Variants in WASHC4 observed in about 807,000 individuals in gnomAD.
WASHC4 encodes WASH complex subunit 4.
In WASHC4, 86 loss-of-function variants were observed where a neutral mutation model predicts 166.6. That is an observed-to-expected ratio of 0.52 (90% CI 0.43 to 0.62). WASHC4 has a LOEUF of 0.62. Ranked by LOEUF, WASHC4 falls within the 20% of genes least tolerant of loss-of-function variation. The pLI, the probability that WASHC4 is intolerant of heterozygous loss-of-function variation, is 0.00. For synonymous variants in WASHC4, 446 were observed against 451.6 expected, an observed-to-expected ratio of 0.99 and a Z score of 0.16; for missense variants, 1,262 against 1,382.4, an observed-to-expected ratio of 0.91 and a Z score of 1.38.
intron 26 of WASHC4, among the ~76,000 whole-genome samples, chr12:105,156,343 A>T (rs941576027): frequency 2.0e-5 from 3 of 152,356 alleles, no homozygotes; most frequent in Non-Finnish European, 2.9e-5. Flanking sequence ...GGGAGGCATC[A>T]AATAAAGATT....
intron 24 of WASHC4, chr12:105,148,067 A>G: frequency 1.0e-6 from 1 of 985,392 alleles, no homozygotes; most frequent in Non-Finnish European, 1.2e-6. Context: ...TGAATGCTTA[A>G]GTAGTACAGT....
chr12:105,152,435 A>C lies in WASHC4; in HGVS notation c.2742A>C (p.Gln914His), dbSNP rs372663472. 6.3e-7 allele frequency: 1 copy of C among 1,575,004 alleles called. No individual in the cohort carries two copies. Among genetic ancestry groups the C allele is most frequent in the East Asian group, 2.2e-5 (1 of 44,630 alleles). ...AGAGCTACCTTGATCAATTCAGGCAACTCATCAGCCAGATTGGTAAGTTAT... is the reference window on the plus strand; with the variant it reads ...AGAGCTACCTTGATCAATTCAGGCACCTCATCAGCCAGATTGGTAAGTTAT... Reference protein sequence around the residue: ...EGQSYLDQFRQLISQIGNAMG... With the variant: ...EGQSYLDQFRHLISQIGNAMG... Residue 914 changes from glutamine (Q) to histidine (H), a missense_variant, in exon 26 of 33, where the codon CAA becomes CAC. Gln to His is a conservative substitution (Grantham distance 24). Coordinates refer to ENST00000332180, the MANE Select transcript of WASHC4 (RefSeq NM_015275.3).
chr12:105,139,425 G>GTACATATATATATATATATATATATATA, intron 15 of WASHC4, among the ~76,000 whole-genome samples: 1 of 103,228 alleles, frequency 9.7e-6, no homozygotes. Context: ...ATGTGTGTGT[G>GTACATATATATATATATATATATATATA]TATATATATA....
At chr12:105,150,217 T>C (rs1423943989) in intron 25 of WASHC4, among the ~76,000 whole-genome samples, 1 of 152,250 alleles carries the variant, frequency 6.6e-6, no homozygotes, top group Non-Finnish European at 1.5e-5. Context: ...CATACAGATC[T>C]GCTTCAAGTT....
At chr12:105,118,586 CTAA>C (rs1474268109) in intron 7 of WASHC4, 58 bp downstream of exon 7, 6 of 981,248 alleles carry the variant, frequency 6.1e-6, no homozygotes, top group Non-Finnish European at 9.9e-6. Context: ...AATGTTCTTT[CTAA>C]AATTAATAAC....
At chr12:105,122,978 C>T (rs1035795289) in intron 10 of WASHC4, among the ~76,000 whole-genome samples, 1 of 152,136 alleles carries the variant, frequency 6.6e-6, no homozygotes, top group Non-Finnish European at 1.5e-5. Flanking sequence ...GTCTCTTAAT[C>T]AAAAGCTAGA....
chr12:105,141,638 G>A (rs1343286568), intron 18 of WASHC4, among the ~76,000 whole-genome samples: 3 of 152,146 alleles, frequency 2.0e-5, no homozygotes, highest in Admixed American at 6.5e-5. Flanking sequence ...TTTAAGACAC[G>A]AATTTGAATT....
chr12:105,143,128 A>G lies in WASHC4; in HGVS notation c.1895A>G (p.Tyr632Cys), dbSNP rs375454062. 240 of 1,591,976 alleles carry G rather than the reference A, an allele frequency of 1.5e-4. No homozygotes were observed. The highest frequency in any genetic ancestry group is 2.1e-4 in the Non-Finnish European group (239 of 1,160,592). The change falls in exon 20 of 33, where the codon TAC becomes TGC. Residue 632 changes from tyrosine to cysteine, a missense_variant and splice_region_variant. Tyr to Cys is a radical substitution (Grantham distance 194). Transcript: ENST00000332180. Reference sequence around the variant, plus strand: ...TGTACATTTTAATTTTCTTCTTAGTACATGTTCAGTGCTTTGCGCGACTGT... The same window carrying G: ...TGTACATTTTAATTTTCTTCTTAGTGCATGTTCAGTGCTTTGCGCGACTGT... ...ENAVDAARLH[Y>C]MFSALRDCVP...
intron 1 of WASHC4, among the ~76,000 whole-genome samples, chr12:105,109,139 C>G (rs1592832989): frequency 6.6e-6 from 1 of 152,112 alleles, no homozygotes; most frequent in African/African-American, 2.4e-5. Context: ...AGCTCTTATG[C>G]AGCATAAAAA....
intron 21 of WASHC4, 88 bp downstream of exon 21, chr12:105,144,543 T>A: frequency 7.7e-7 from 1 of 1,294,666 alleles, no homozygotes; most frequent in Non-Finnish European, 1.1e-6. Context: ...AGGGTATATT[T>A]AAATTTTGTG....
chr12:105,133,993 G>T, intron 14 of WASHC4, 97 bp downstream of exon 14: 1 of 1,154,634 alleles, frequency 8.7e-7, no homozygotes, highest in Middle Eastern at 2.9e-4. Flanking sequence ...GTATGTTTTT[G>T]TTTATTAAAG....
At chr12:105,155,688 A>G (rs1170351975) in intron 26 of WASHC4, among the ~76,000 whole-genome samples, 1 of 114,950 alleles carries the variant, frequency 8.7e-6, no homozygotes, top group Non-Finnish European at 1.8e-5. Flanking sequence ...TAAAAATACA[A>G]AAATTAGCCG....
chr12:105,158,983 G>A (rs1029705688), intron 28 of WASHC4, among the ~76,000 whole-genome samples: 1 of 152,192 alleles, frequency 6.6e-6, no homozygotes, highest in Admixed American at 6.5e-5. Flanking sequence ...ATGCATTTCT[G>A]TGAGAATAAG....
chr12:105,112,373 A>G (rs1879780095), intron 2 of WASHC4, among the ~76,000 whole-genome samples: 1 of 152,194 alleles, frequency 6.6e-6, no homozygotes, highest in Admixed American at 6.5e-5. Context: ...TTGTGTAGAC[A>G]TATATAAGTA....
At chr12:105,119,405 G>A (rs1339308317) in intron 7 of WASHC4, among the ~76,000 whole-genome samples, 1 of 152,122 alleles carries the variant, frequency 6.6e-6, no homozygotes, top group African/African-American at 2.4e-5. Context: ...TATTAATGAT[G>A]AGAAGAGATA....
chr12:105,107,736 C>T lies in WASHC4; in HGVS notation c.-65C>T, dbSNP rs1879204036. 1.6e-6 allele frequency: 2 copies of T among 1,215,472 alleles called. No homozygotes were observed. Among genetic ancestry groups the T allele is most frequent in the Non-Finnish European group, 2.4e-6 (2 of 848,404 alleles). The allele number at this position is 1,215,472 out of a possible 1,614,324, so 75.3% of individuals were successfully genotyped here. ...CGGAAGTCACGTGCTGTGACAGTAGCTGGGGTGAGGCCGTCGTCGCCGCAC... is the reference window on the plus strand; with the variant it reads ...CGGAAGTCACGTGCTGTGACAGTAGTTGGGGTGAGGCCGTCGTCGCCGCAC... On this transcript the variant is annotated 5_prime_UTR_variant, in exon 1 of 33. Coordinates refer to ENST00000332180, the MANE Select transcript of WASHC4 (RefSeq NM_015275.3).
intron 13 of WASHC4, among the ~76,000 whole-genome samples, chr12:105,133,339 G>T (rs1882030040): frequency 6.6e-6 from 1 of 152,152 alleles, no homozygotes; most frequent in East Asian, 1.9e-4. Flanking sequence ...TCAAACTTTG[G>T]CTCAAAATCA....
rs966226004 is a variant in WASHC4 at position 105,168,864 on chromosome 12, A to G, written c.*1933A>G. 6.6e-6 allele frequency: 1 copy of G among 152,394 alleles called. No homozygotes were observed. Among genetic ancestry groups the G allele is most frequent in the East Asian group, 1.9e-4 (1 of 5,200 alleles). 9.4% of individuals were successfully genotyped at this position (152,394 alleles called of 1,614,324 possible). ...GGTTAATATGTACATTTGGATGATG[A>G]TTTTTCTTGATAACATTAACATTAA... On this transcript the variant is annotated 3_prime_UTR_variant, in exon 33 of 33. Coordinates refer to ENST00000332180, the MANE Select transcript of WASHC4 (RefSeq NM_015275.3).
At chr12:105,119,290 C>T (rs186818928) in intron 7 of WASHC4, among the ~76,000 whole-genome samples, 49 of 148,900 alleles carry the variant, frequency 3.3e-4, no homozygotes, top group African/African-American at 1.1e-3. Context: ...GCAGTTTTAC[C>T]ACAAAATAAT....
Sources: allele counts gnomAD v4.1 joint callset (sites outside exome capture counted in the v4.1 genomes callset), GRCh38; gene constraint gnomAD v4.1.1; transcripts MANE v1.5; gene names NCBI Gene and HGNC (gene_info 2026-07-23, HGNC 2026-07-21).